Variants in RAB44 observed in about 807,000 individuals in gnomAD.
RAB44 encodes RAB44, member RAS oncogene family, also known as ras-related protein Rab-44.
In RAB44, 67 loss-of-function variants were observed where a neutral mutation model predicts 93.3. That is an observed-to-expected ratio of 0.72 (90% confidence interval 0.59 to 0.88). The LOEUF (loss-of-function observed/expected upper bound fraction) is 0.88. RAB44 is among the 40% of genes least tolerant of loss of function. The probability of loss-of-function intolerance (pLI) is 0.00; values close to 1 mark genes in which losing one functional copy is unlikely to be tolerated. For missense variants in RAB44, 1,064 were observed against 1,261.7 expected, an observed-to-expected ratio of 0.84 and a Z score of 2.37; for synonymous variants, 427 against 520.3, an observed-to-expected ratio of 0.82 and a Z score of 2.44.
At chr6:36,715,679 G>C in intron 4 of RAB44, 26 bp downstream of exon 4, 1 of 1,532,164 alleles carries the variant, frequency 6.5e-7, no homozygotes, top group South Asian at 1.2e-5. Context: ...CATGTGCATG[G>C]GGAGAGGCTC....
chr6:36,703,925 C>T (rs899016176), intron 1 of RAB44, among the ~76,000 whole-genome samples: 3 of 152,204 alleles, frequency 2.0e-5, no homozygotes, highest in East Asian at 1.9e-4. Flanking sequence ...CTCTAATGGT[C>T]GGAGAAGACT....
intron 2 of RAB44, among the ~76,000 whole-genome samples, chr6:36,709,627 C>G (rs1225841667): frequency 6.6e-6 from 1 of 152,222 alleles, no homozygotes; most frequent in Non-Finnish European, 1.5e-5. Context: ...GCAATCTCAG[C>G]TCACTGCAAC....
At chr6:36,698,689 G>C (rs1025898338) in intron 1 of RAB44, among the ~76,000 whole-genome samples, 1 of 152,106 alleles carries the variant, frequency 6.6e-6, no homozygotes, top group Non-Finnish European at 1.5e-5. Context: ...GAAAGTGGTG[G>C]AGGAGAAGGG....
In RAB44 at chr6:36,727,634, C is replaced by T. The variant is rs1199457125; in HGVS notation, c.2739C>T (p.Tyr913=). 25 of 1,550,458 alleles carry T rather than the reference C, an allele frequency of 1.6e-5. No homozygotes were observed. Among genetic ancestry groups the T allele is most frequent in the African/African-American group, 2.7e-5 (2 of 73,042 alleles). Reference sequence around the variant, plus strand: ...AGGCTGACGGGGTGGTGCTCATGTACGACATCACCTCCCAGGAGAGCTTTG... The same window carrying T: ...AGGCTGACGGGGTGGTGCTCATGTATGACATCACCTCCCAGGAGAGCTTTG... ...LRKADGVVLM[Y]DITSQESFAH... The change falls in exon 11 of 14, where the codon TAC becomes TAT. Residue 913 remains tyrosine (Y), a synonymous_variant. Transcript: ENST00000612677.
intron 7 of RAB44, among the ~76,000 whole-genome samples, chr6:36,719,901 GCTGCAGGAGA>G (rs1763027621): frequency 6.6e-6 from 1 of 152,178 alleles, no homozygotes. Context: ...AGGTGAGGAG[GCTGCAGGAGA>G]CTGTGCAGTG....
At chr6:36,706,776 G>C (rs1762659679) in intron 2 of RAB44, among the ~76,000 whole-genome samples, 1 of 151,770 alleles carries the variant, frequency 6.6e-6, no homozygotes, top group Admixed American at 6.6e-5. Flanking sequence ...ACCTAGGCTG[G>C]AGTGCAGTGG....
At chr6:36,727,554 C>A (rs1465471495) in intron 10 of RAB44, 23 bp from the exon 11 acceptor site, 1 of 1,522,274 alleles carries the variant, frequency 6.6e-7, no homozygotes, top group Admixed American at 2.0e-5. Flanking sequence ...CCTGGTGTGG[C>A]CTCATGCAGA....
intron 4 of RAB44, among the ~76,000 whole-genome samples, chr6:36,716,201 G>A (rs1333388859): frequency 6.6e-6 from 1 of 151,938 alleles, no homozygotes; most frequent in Non-Finnish European, 1.5e-5. Context: ...CGGGCACGGT[G>A]GCTCATGCCT....
At position 36,716,469 on chromosome 6, in the gene RAB44, C is replaced by CAAA. The variant is rs567193522; in HGVS notation, c.495-787_495-785dup. 1.4e-4 allele frequency among the ~76,000 whole-genome samples: 11 copies of CAAA among 76,250 alleles called. No homozygotes were observed. The South Asian group carries it at 2.2e-3, about 15-fold the overall frequency. 50.0% of individuals were successfully genotyped at this position (76,250 alleles called of 152,430 possible). ...TGGGTGACAGAGCAAGACTCTGTCT[C>CAAA]AAAAAAAAAAAAAAAAAAAGAGAGA... On this transcript the variant is annotated intron_variant, in intron 4 of 13. Coordinates refer to ENST00000612677, the MANE Select transcript of RAB44 (RefSeq NM_001257357.2).
chr6:36,721,832 C>G lies in RAB44; in HGVS notation c.1698C>G (p.Pro566=). The G allele has an allele frequency of 8.1e-7, 1 of 1,234,780 alleles. No homozygotes were observed. The highest frequency in any genetic ancestry group is 1.5e-5 in the African/African-American group (1 of 64,600). 76.5% of individuals were successfully genotyped at this position (1,234,780 alleles called of 1,614,324 possible). A position where few individuals can be genotyped will look rare whatever the true frequency, so the allele number is the denominator to read the frequency against. ...CCATGACTGAGCGGGAAACCCAGCC[C>G]GGACCCTCACCCACAACTGCCCTCA... ...PPTMTERETQ[P]GPSPTTALTG... The change falls in exon 9 of 14, where the codon CCC becomes CCG. Residue 566 remains proline, a synonymous_variant. Coordinates refer to ENST00000612677, the MANE Select transcript of RAB44 (RefSeq NM_001257357.2).
rs76239660 is a variant in RAB44, at chr6:36,725,635, C to A, written c.2600-227C>A. On this transcript the variant is annotated intron_variant, in intron 9 of 13. Transcript: ENST00000612677. ...TGGCCTAAGGAATGAACAACATAGACAAGGTGCCCTGTGTTGGCACAACTT... is the reference window on the plus strand; with the variant it reads ...TGGCCTAAGGAATGAACAACATAGAAAAGGTGCCCTGTGTTGGCACAACTT... Among the ~76,000 whole-genome samples the A allele has an allele frequency of 9.8e-3, 1,487 of 152,284 alleles. 23 individuals carry two copies. Among genetic ancestry groups the A allele is most frequent in the African/African-American group, 0.033 (1,377 of 41,558 alleles).
At chr6:36,702,617 G>A (rs950109660) in intron 1 of RAB44, among the ~76,000 whole-genome samples, 2 of 152,202 alleles carry the variant, frequency 1.3e-5, no homozygotes, top group Admixed American at 1.3e-4. Flanking sequence ...CACACACACT[G>A]TTTACTGCTT....
At chr6:36,720,653 C>T in intron 8 of RAB44, 103 bp downstream of exon 8, 2 of 878,628 alleles carry the variant, frequency 2.3e-6, no homozygotes, top group Non-Finnish European at 3.0e-6. Flanking sequence ...ACAGTGCACA[C>T]ATAGACTCCT....
At chr6:36,726,248 A>AT (rs918989248) in intron 10 of RAB44, among the ~76,000 whole-genome samples, 4 of 151,732 alleles carry the variant, frequency 2.6e-5, no homozygotes, top group Admixed American at 6.6e-5. Flanking sequence ...GTGATCAAAA[A>AT]TTTTTTTTTC....
chr6:36,699,564 C>G (rs1230180880), intron 1 of RAB44, among the ~76,000 whole-genome samples: 1 of 152,322 alleles, frequency 6.6e-6, no homozygotes, highest in Non-Finnish European at 1.5e-5. Flanking sequence ...AAGCCCTTGT[C>G]CCACTCAGGG....
In RAB44 at chr6:36,717,890, T is replaced by C; in HGVS notation, c.642-138T>C. 2.4e-6 allele frequency: 1 copy of C among 425,326 alleles called. No homozygotes were observed. Among genetic ancestry groups the C allele is most frequent in the Non-Finnish European group, 4.0e-6 (1 of 252,702 alleles). 26.3% of individuals were successfully genotyped at this position (425,326 alleles called of 1,614,324 possible). On this transcript the variant is annotated intron_variant, in intron 5 of 13. Coordinates refer to ENST00000612677, the MANE Select transcript of RAB44 (RefSeq NM_001257357.2). This position sits in a 1 kb window ranked among gnomAD's most constrained non-coding sequence, Gnocchi z 4.1. ...GTTACTGGGATGGCTGTTCTCAGGGTGACAGAGGTCAGTGACTGCTGGCAG... is the reference window on the plus strand; with the variant it reads ...GTTACTGGGATGGCTGTTCTCAGGGCGACAGAGGTCAGTGACTGCTGGCAG...
chr6:36,699,296 C>T (rs1000559365), intron 1 of RAB44, among the ~76,000 whole-genome samples: 10 of 152,078 alleles, frequency 6.6e-5, no homozygotes, highest in Non-Finnish European at 1.2e-4. Context: ...TAGGAACTCC[C>T]AGAAAGGAAA....
In RAB44 at chr6:36,705,223, G is replaced by T. The variant is rs184620770; in HGVS notation, c.207+781G>T. Among the ~76,000 whole-genome samples, 13 of 152,212 alleles carry T rather than the reference G, an allele frequency of 8.5e-5. No homozygotes were observed. In the East Asian group the frequency reaches 2.3e-3, roughly 27 times the overall value. Reference sequence around the variant, plus strand: ...AAAACTATTAGGATAAAATTACGGAGTTCAATTCTTAAAATGGCTAATATC... The same window carrying T: ...AAAACTATTAGGATAAAATTACGGATTTCAATTCTTAAAATGGCTAATATC... On this transcript the variant is annotated intron_variant, in intron 2 of 13. Transcript: ENST00000612677.
rs1763107185 is a variant in RAB44 at position 36,722,233 on chromosome 6, C to T, written c.2099C>T (p.Ala700Val). The T allele has an allele frequency of 3.2e-6, 4 of 1,265,518 alleles. No individual in the cohort carries two copies. The highest frequency in any genetic ancestry group is 3.8e-5 in the Admixed American group (1 of 26,022). 78.4% of individuals were successfully genotyped at this position (1,265,518 alleles called of 1,614,324 possible). The change falls in exon 9 of 14, where the codon GCT (alanine) becomes GTT (valine). Residue 700 changes from alanine to valine, a missense_variant. Transcript: ENST00000612677. ...SSEQSEQSVE[A>V]HGLETAHSEL... Reference sequence around the variant, plus strand: ...GAGCAGTCAGAGCAGTCGGTTGAGGCTCACGGCCTAGAAACTGCGCATTCG... The same window carrying T: ...GAGCAGTCAGAGCAGTCGGTTGAGGTTCACGGCCTAGAAACTGCGCATTCG...
Sources: allele counts gnomAD v4.1 joint callset (sites outside exome capture counted in the v4.1 genomes callset), GRCh38; gene constraint gnomAD v4.1.1; non-coding constraint Gnocchi (gnomAD v3.1); transcripts MANE v1.5; gene names NCBI Gene and HGNC (gene_info 2026-07-23, HGNC 2026-07-21).